ZSWIM2: variants seen among roughly 807,000 people sequenced by gnomAD.
ZSWIM2 encodes E3 ubiquitin-protein ligase ZSWIM2.
In ZSWIM2, 38 loss-of-function variants were observed where a neutral mutation model predicts 48.4. That is an observed-to-expected ratio of 0.79 (90% CI 0.61 to 1.03). The LOEUF is 1.03. ZSWIM2 is among the 50% of genes least tolerant of loss of function. The probability of loss-of-function intolerance (pLI) is 0.00; values close to 1 mark genes in which losing one functional copy is unlikely to be tolerated. For missense variants in ZSWIM2, 776 were observed against 730.2 expected (o/e 1.06, Z -0.72); for synonymous variants, 240 against 251.3 (o/e 0.96, Z 0.42).
rs1691621940 is a variant in ZSWIM2 at position 186,827,754 on chromosome 2, T to C, written c.*230A>G. On this transcript the variant is annotated 3_prime_UTR_variant, in exon 9 of 9. Transcript: ENST00000295131. The stretch of plus-strand genomic sequence containing the variant: ...TAAAATAAGATAAAGGCTCTAAAAA[T>C]TATTCATTATTTATAACATCCTGAA... 3.5e-6 allele frequency: 1 copy of C among 282,272 alleles called. No homozygotes were observed. Among genetic ancestry groups the C allele is most frequent in the African/African-American group, 2.2e-5 (1 of 45,826 alleles). 17.5% of individuals were successfully genotyped at this position (282,272 alleles called of 1,614,324 possible). A position where few individuals can be genotyped will look rare whatever the true frequency, so the allele number is the denominator to read the frequency against.
intron 2 of ZSWIM2, 37 bp from the exon 3 acceptor site, chr2:186,844,794 A>AT: frequency 6.6e-7 from 1 of 1,508,722 alleles, no homozygotes. Flanking sequence ...CAAGACATTT[A>AT]TTTTTGGCAT....
chr2:186,843,678 G>C (rs1290944233), intron 3 of ZSWIM2, among the ~76,000 whole-genome samples: 1 of 151,514 alleles, frequency 6.6e-6, no homozygotes, highest in Non-Finnish European at 1.5e-5. Context: ...AGCACAGATG[G>C]AGAAATCAGT....
intron 4 of ZSWIM2, among the ~76,000 whole-genome samples, chr2:186,838,336 G>C (rs1691835785): frequency 6.7e-6 from 1 of 149,818 alleles, no homozygotes; most frequent in Non-Finnish European, 1.5e-5. Context: ...ATTATTGTTG[G>C]CATTAATGAG....
chr2:186,843,037 C>A (rs989551523), intron 3 of ZSWIM2, among the ~76,000 whole-genome samples: 16 of 151,498 alleles, frequency 1.1e-4, no homozygotes, highest in African/African-American at 3.6e-4. Flanking sequence ...ATATTGATTA[C>A]ACGTTGACAC....
intron 5 of ZSWIM2, among the ~76,000 whole-genome samples, chr2:186,836,214 C>T (rs560754395): frequency 1.3e-5 from 2 of 152,084 alleles, no homozygotes; most frequent in Admixed American, 6.6e-5. Context: ...CTATCCACCC[C>T]TCTTGAGAAA....
chr2:186,834,217 C>A (rs1351542000), intron 5 of ZSWIM2, among the ~76,000 whole-genome samples, 187 bp from the exon 6 acceptor site: 1 of 152,108 alleles, frequency 6.6e-6, no homozygotes, highest in Non-Finnish European at 1.5e-5. Context: ...ACTTAAACTG[C>A]ACAAATGTAT....
In ZSWIM2 at chr2:186,833,942, G is replaced by A; in HGVS notation, c.828+4C>T. The A allele has an allele frequency of 1.9e-6, 3 of 1,608,810 alleles. 1 individual carries two copies. The South Asian group carries it at 3.3e-5, about 18-fold the overall frequency. ...CTGTATTAGATTCAAGATGGATACT[G>A]TACCTCACGAAATGTAAACGTGTGG... On this transcript the variant is annotated splice_donor_region_variant and intron_variant, in intron 6 of 8. Transcript: ENST00000295131.
chr2:186,830,702 AGTC>A (rs141022607), intron 7 of ZSWIM2, among the ~76,000 whole-genome samples: 70,150 of 151,550 alleles, frequency 0.46, 18,073 homozygotes, highest in African/African-American at 0.7. Context: ...CTATGTTAAT[AGTC>A]TAACTCTAAA....
intron 3 of ZSWIM2, among the ~76,000 whole-genome samples, chr2:186,842,373 C>T (rs1319577506): frequency 6.6e-6 from 1 of 151,092 alleles, no homozygotes; most frequent in South Asian, 2.1e-4. Flanking sequence ...TCAATGCCTA[C>T]TAATTAAAAT....
At chr2:186,848,776 A>G in intron 1 of ZSWIM2, 190 bp downstream of exon 1, 2 of 680,400 alleles carry the variant, frequency 2.9e-6, no homozygotes, top group Non-Finnish European at 4.9e-6. Context: ...GAAACTTCTA[A>G]TAAATACTAT....
chr2:186,833,319 A>T, intron 6 of ZSWIM2, 87 bp from the exon 7 acceptor site: 2 of 603,294 alleles, frequency 3.3e-6, no homozygotes, highest in Non-Finnish European at 5.8e-6. Context: ...CGTATCAATA[A>T]TGTGAACAAT....
intron 1 of ZSWIM2, among the ~76,000 whole-genome samples, chr2:186,848,191 T>C (rs1382203333): frequency 1.3e-5 from 2 of 152,238 alleles, no homozygotes; most frequent in African/African-American, 2.4e-5. Flanking sequence ...TGAATTTATT[T>C]AATTTTATTC....
At position 186,837,352 on chromosome 2, in the gene ZSWIM2, G is replaced by T; in HGVS notation, c.697C>A (p.Pro233Thr). Residue 233 changes from proline to threonine, a missense_variant, in exon 5 of 9, where the codon CCC becomes ACC. By Grantham distance (38) the Pro-to-Thr change is conservative. Coordinates refer to ENST00000295131, the MANE Select transcript of ZSWIM2 (RefSeq NM_182521.3). ...GGAAACTGTTTGCAGTTATTACAGG[G>T]AATCCCAAGGTGTTTGTCCAGTCTC... ...KERLDKHLGI[P>T]CNNCKQFPIE... 2.5e-6 allele frequency: 4 copies of T among 1,612,842 alleles called. No individual in the cohort carries two copies. The highest frequency in any genetic ancestry group is 3.4e-6 in the Non-Finnish European group (4 of 1,179,228).
At chr2:186,833,650 GC>G (rs1458938373) in intron 6 of ZSWIM2, among the ~76,000 whole-genome samples, 1 of 152,072 alleles carries the variant, frequency 6.6e-6, no homozygotes, top group African/African-American at 2.4e-5. Flanking sequence ...AATGTTGAGA[GC>G]TTTTTAAAAA....
At position 186,849,020 on chromosome 2, in the gene ZSWIM2, C is replaced by T. The variant is rs1692054782; in HGVS notation, c.111G>A (p.Met37Ile). ...LSSSIYLLRE[M>I]GPTGFLLREE... is the part of the protein sequence containing the mutation. ...CCCTCAGCAGGAAGCCAGTGGGGCCCATCTCTCGTAGGAGGTAGATGCTGC... is the reference window on the plus strand; with the variant it reads ...CCCTCAGCAGGAAGCCAGTGGGGCCTATCTCTCGTAGGAGGTAGATGCTGC... Residue 37 changes from methionine to isoleucine, a missense_variant, in exon 1 of 9, where the codon ATG becomes ATA. Coordinates refer to ENST00000295131, the MANE Select transcript of ZSWIM2 (RefSeq NM_182521.3). The T allele has an allele frequency of 6.2e-7, 1 of 1,614,186 alleles. No individual in the cohort carries two copies. The highest frequency in any genetic ancestry group is 1.6e-4 in the Middle Eastern group (1 of 6,062).
Position 186,828,819 on chromosome 2 carries a change from C to T in ZSWIM2, c.1096-29G>A, listed in dbSNP as rs761827530. 25 of 1,262,436 alleles carry T rather than the reference C, an allele frequency of 2.0e-5. No individual in the cohort carries two copies. In the African/African-American group the frequency reaches 3.4e-4, roughly 17 times the overall value. 78.2% of individuals were successfully genotyped at this position (1,262,436 alleles called of 1,614,324 possible). ...TAAAAAAAAGGTAAGCTAATCAGAA[C>T]TATACCAATCTTGTTTATAATATTA... On this transcript the variant is annotated intron_variant, in intron 8 of 8. Coordinates refer to ENST00000295131, the MANE Select transcript of ZSWIM2 (RefSeq NM_182521.3).
In ZSWIM2 at chr2:186,827,811, CAT is replaced by C. The variant is rs1383440681; in HGVS notation, c.*171_*172del. 4.3e-5 allele frequency: 20 copies of C among 468,780 alleles called. No homozygotes were observed. In the East Asian group the frequency reaches 5.1e-4, roughly 12 times the overall value. 29.0% of individuals were successfully genotyped at this position (468,780 alleles called of 1,614,324 possible). A position where few individuals can be genotyped will look rare whatever the true frequency, so the allele number is the denominator to read the frequency against. On this transcript the variant is annotated 3_prime_UTR_variant, in exon 9 of 9. Transcript: ENST00000295131. ...CATGAAGACACCTAATGCTGTAAGT[CAT>C]ATAAGTAATAGAATCATTTCCTTTA...
chr2:186,833,292 GA>G, intron 6 of ZSWIM2, 60 bp from the exon 7 acceptor site: 2 of 798,296 alleles, frequency 2.5e-6, no homozygotes, highest in South Asian at 1.9e-5. Flanking sequence ...ATTTTGTGGA[GA>G]AAAATTAGTT....
intron 2 of ZSWIM2, 116 bp downstream of exon 2, chr2:186,847,603 T>G: frequency 1.7e-6 from 1 of 600,584 alleles, no homozygotes; most frequent in African/African-American, 1.9e-5. Context: ...TAACTTTATA[T>G]TCCCCAAACA....
Sources: allele counts gnomAD v4.1 joint callset (sites outside exome capture counted in the v4.1 genomes callset), GRCh38; gene constraint gnomAD v4.1.1; transcripts MANE v1.5; gene names NCBI Gene and HGNC (gene_info 2026-07-23, HGNC 2026-07-21).